The following PGBD1 variants were observed in gnomAD, a reference collection of about 807,000 sequenced individuals.
PGBD1 encodes piggyBac transposable element derived 1.
PGBD1 carries 25 observed loss-of-function variants against 34.7 expected under a neutral mutation model. The ratio of observed to expected loss-of-function variants is 0.72; its 90% confidence interval spans 0.52 to 1.00. The LOEUF (loss-of-function observed/expected upper bound fraction) is 1.00, where lower values mean the gene tolerates loss of function less well. Ranked by LOEUF, PGBD1 falls within the 50% of genes least tolerant of loss-of-function variation. The pLI, the probability that PGBD1 is intolerant of heterozygous loss-of-function variation, is 0.00. For missense variants in PGBD1, 830 were observed against 959.4 expected (o/e 0.87, Z 1.78); for synonymous variants, 292 against 335.7 (o/e 0.87, Z 1.42).
At chr6:28,284,234 T>A in intron 2 of PGBD1, 25 bp downstream of exon 2, 2 of 1,469,076 alleles carry the variant, frequency 1.4e-6, no homozygotes, top group Non-Finnish European at 9.0e-7. Flanking sequence ...TGTGTGGTGA[T>A]GTGGGAGAAG....
Position 28,301,071 on chromosome 6 carries a change from A to G in PGBD1, c.1217A>G (p.Asp406Gly), listed in dbSNP as rs553870358. The G allele has an allele frequency of 6.2e-7, 1 of 1,614,210 alleles. No individual in the cohort carries two copies. Among genetic ancestry groups the G allele is most frequent in the Admixed American group, 1.7e-5 (1 of 60,024 alleles). The change falls in exon 7 of 7, where the codon GAT (aspartate) becomes GGT (glycine). Residue 406 changes from aspartate to glycine, a missense_variant. By Grantham distance (94) the Asp-to-Gly change is moderately conservative. Coordinates refer to ENST00000682144, the MANE Select transcript of PGBD1 (RefSeq NM_032507.4). The part of the protein sequence containing the change: ...KPNFPSWSAL[D>G]SGLLNLKSEK... ...AATTTTCCAAGCTGGTCAGCACTGG[A>G]TTCTGGACTTTTGAATCTCAAGAGC...
intron 6 of PGBD1, among the ~76,000 whole-genome samples, chr6:28,298,769 G>C (rs571679983): frequency 7.2e-5 from 11 of 152,198 alleles, no homozygotes; most frequent in African/African-American, 2.6e-4. Flanking sequence ...AGAAACTTCT[G>C]AAGAAATGGA....
chr6:28,302,376 A>G lies in PGBD1; in HGVS notation c.*92A>G. ...TGTACCCTCCCAAAGTAAATCTGAT[A>G]TATGTAATGAAGTTATTAAATAATA... On this transcript the variant is annotated 3_prime_UTR_variant, in exon 7 of 7. Coordinates refer to ENST00000682144, the MANE Select transcript of PGBD1 (RefSeq NM_032507.4). 1 of 1,253,728 alleles carries G rather than the reference A, an allele frequency of 8.0e-7. No homozygotes were observed. The highest frequency in any genetic ancestry group is 1.1e-6 in the Non-Finnish European group (1 of 913,248). The allele number at this position is 1,253,728 out of a possible 1,614,324, so 77.7% of individuals were successfully genotyped here.
chr6:28,292,759 TG>T (rs1243649277), intron 4 of PGBD1, among the ~76,000 whole-genome samples: 3 of 151,888 alleles, frequency 2.0e-5, no homozygotes, highest in African/African-American at 7.3e-5. Context: ...ACCAAGGGGT[TG>T]AAAAAAAAGA....
At chr6:28,299,844 T>C (rs1472135617) in intron 6 of PGBD1, among the ~76,000 whole-genome samples, 1 of 151,818 alleles carries the variant, frequency 6.6e-6, no homozygotes, top group Non-Finnish European at 1.5e-5. Context: ...CTACTAAAAA[T>C]ACAAAAATTA....
At chr6:28,299,911 G>T (rs547491395) in intron 6 of PGBD1, among the ~76,000 whole-genome samples, 181 of 150,956 alleles carry the variant, frequency 1.2e-3, no homozygotes, top group South Asian at 3.8e-3. Flanking sequence ...TGAGGCAGGA[G>T]AATTGCTTGA....
chr6:28,298,970 T>G (rs1307588873), intron 6 of PGBD1, among the ~76,000 whole-genome samples: 2 of 151,604 alleles, frequency 1.3e-5, no homozygotes, highest in Non-Finnish European at 3.0e-5. Context: ...TGAATTTTCC[T>G]TATTGACATT....
intron 5 of PGBD1, among the ~76,000 whole-genome samples, chr6:28,297,408 G>A (rs1022572885): frequency 1.2e-4 from 18 of 152,148 alleles, no homozygotes; most frequent in South Asian, 4.2e-4. Flanking sequence ...ATGGGGTCTC[G>A]CTTTGTTGCC....
At chr6:28,287,326 T>G (rs1762318082) in intron 4 of PGBD1, among the ~76,000 whole-genome samples, 158 bp downstream of exon 4, 1 of 152,182 alleles carries the variant, frequency 6.6e-6, no homozygotes, top group South Asian at 2.1e-4. Flanking sequence ...TCACAAAGTG[T>G]GTTGCATCAT....
At chr6:28,292,622 C>G (rs1762494382) in intron 4 of PGBD1, among the ~76,000 whole-genome samples, 1 of 151,930 alleles carries the variant, frequency 6.6e-6, no homozygotes, top group African/African-American at 2.4e-5. Context: ...AAACAATTTA[C>G]AGATTCAGTG....
Position 28,287,096 on chromosome 6 carries a change from A to T in PGBD1, c.570A>T (p.Gly190=). The stretch of plus-strand genomic sequence containing the variant: ...TCTCTGCAGGGCCTGTTCCCCACGG[A>T]TCAGCTCATCTCCAGGAAAAAAACC... ...PQEVSGPVPH[G]SAHLQEKNPR... Residue 190 remains glycine (G), a synonymous_variant, in exon 4 of 7, where the codon GGA becomes GGT. Transcript: ENST00000682144. 2 of 1,614,038 alleles carry T rather than the reference A, an allele frequency of 1.2e-6. No homozygotes were observed.
intron 3 of PGBD1, 42 bp from the exon 4 acceptor site, chr6:28,287,038 C>T (rs754689751): frequency 2.7e-6 from 4 of 1,485,766 alleles, no homozygotes; most frequent in Non-Finnish European, 3.8e-6. Context: ...ACCCTAAAGG[C>T]CATCATGTCT....
intron 4 of PGBD1, among the ~76,000 whole-genome samples, chr6:28,295,559 C>G (rs977889681): frequency 2.0e-5 from 3 of 152,166 alleles, no homozygotes; most frequent in African/African-American, 7.2e-5. Context: ...CAGCATCGTT[C>G]AACATCGCAG....
Position 28,281,932 on chromosome 6 carries a change from A to G in PGBD1, c.-39+14A>G. ...CTTGAATACCAGGTACGTGCCGGGC[A>G]TGTAGAGTCTATGCAGAGATAAACT... On this transcript the variant is annotated intron_variant, in intron 1 of 6. Coordinates refer to ENST00000682144, the MANE Select transcript of PGBD1 (RefSeq NM_032507.4). 1 of 152,324 alleles carries G rather than the reference A, an allele frequency of 6.6e-6. No individual in the cohort carries two copies. The highest frequency in any genetic ancestry group is 1.9e-4 in the East Asian group (1 of 5,192). 9.4% of individuals were successfully genotyped at this position (152,324 alleles called of 1,614,324 possible). A position where few individuals can be genotyped will look rare whatever the true frequency, so the allele number is the denominator to read the frequency against.
chr6:28,282,335 GACAA>G (rs139771184), intron 1 of PGBD1, among the ~76,000 whole-genome samples: 3,702 of 152,282 alleles, frequency 0.024, 87 homozygotes, highest in African/African-American at 0.067. Context: ...TTGATTGAGT[GACAA>G]ACAAATCAGC....
At chr6:28,283,706 T>G in intron 1 of PGBD1, 70 bp from the exon 2 acceptor site, 1 of 1,390,930 alleles carries the variant, frequency 7.2e-7, no homozygotes, top group Non-Finnish European at 9.6e-7. Context: ...TTACATACAG[T>G]TTTGAAGCTC....
intron 6 of PGBD1, among the ~76,000 whole-genome samples, chr6:28,298,272 C>T (rs1280687722): frequency 6.6e-6 from 1 of 152,064 alleles, no homozygotes; most frequent in Non-Finnish European, 1.5e-5. Context: ...GGCTCCCTTA[C>T]ATTTTTATGG....
intron 6 of PGBD1, among the ~76,000 whole-genome samples, chr6:28,298,957 G>A (rs895472554): frequency 6.6e-6 from 1 of 152,054 alleles, no homozygotes; most frequent in Admixed American, 6.6e-5. Flanking sequence ...TGAGAAGGGG[G>A]TGTGAATTTT....
intron 4 of PGBD1, among the ~76,000 whole-genome samples, chr6:28,293,505 A>G (rs950867985): frequency 1.4e-4 from 21 of 152,174 alleles, no homozygotes; most frequent in African/African-American, 4.8e-4. Flanking sequence ...AAAGTTTGTG[A>G]TGACCCTGTG....
Sources: gnomAD v4.1 joint callset for allele counts (sites outside exome capture counted in the v4.1 genomes callset) on GRCh38, gnomAD v4.1.1 for gene constraint, MANE v1.5 for transcripts, NCBI Gene and HGNC (gene_info 2026-07-23, HGNC 2026-07-21) for gene names.